The following MAP4 variants were observed in gnomAD, a reference collection of about 807,000 sequenced individuals.
The protein encoded by MAP4 is microtubule associated protein 4, also known as microtubule-associated protein 4.
A neutral mutation model predicts 170.2 loss-of-function variants in MAP4; 76 were observed. The observed-to-expected ratio is 0.45, with a 90% CI of 0.37 to 0.54. The LOEUF is 0.54. MAP4 is among the 20% of genes least tolerant of loss of function. The probability of loss-of-function intolerance (pLI) is 0.00; values close to 1 mark genes in which losing one functional copy is unlikely to be tolerated. For synonymous variants in MAP4, 909 were observed against 994.5 expected (o/e 0.91, Z 1.62); for missense variants, 2,506 against 2,748.0 (o/e 0.91, Z 1.97).
At chr3:47,894,384 C>T (rs2100025674) in intron 10 of MAP4, among the ~76,000 whole-genome samples, 1 of 151,812 alleles carries the variant, frequency 6.6e-6, no homozygotes, top group Non-Finnish European at 1.5e-5. Context: ...AGATCGAGAC[C>T]ATCCTGGCTA....
At chr3:48,014,349 A>C (rs1024271642) in intron 1 of MAP4, among the ~76,000 whole-genome samples, 1 of 152,170 alleles carries the variant, frequency 6.6e-6, no homozygotes, top group African/African-American at 2.4e-5. Context: ...AGAAATTGGC[A>C]ATCTGGTTTA....
At chr3:47,937,700 C>A (rs1338755836) in intron 3 of MAP4, among the ~76,000 whole-genome samples, 1 of 136,558 alleles carries the variant, frequency 7.3e-6, no homozygotes, top group Non-Finnish European at 1.5e-5. Context: ...TCACTCTTGT[C>A]CCCCAGGCTG....
At chr3:48,083,554 C>T (rs1322556449) in intron 1 of MAP4, among the ~76,000 whole-genome samples, 1 of 150,786 alleles carries the variant, frequency 6.6e-6, no homozygotes, top group African/African-American at 2.4e-5. Context: ...TTAGTAGAGA[C>T]GGGGTTTTTA....
At chr3:47,982,986 C>G (rs2100086279) in intron 2 of MAP4, among the ~76,000 whole-genome samples, 1 of 152,156 alleles carries the variant, frequency 6.6e-6, no homozygotes, top group Non-Finnish European at 1.5e-5. Context: ...CAACCTCTGT[C>G]TCCCGGGTTC....
At chr3:47,989,922 AT>A (rs1407002303) in intron 2 of MAP4, among the ~76,000 whole-genome samples, 1 of 152,130 alleles carries the variant, frequency 6.6e-6, no homozygotes, top group Admixed American at 6.5e-5. Flanking sequence ...TTAGAAACTA[AT>A]CACATTCTCT....
chr3:48,040,229 T>G (rs932872138), intron 1 of MAP4, among the ~76,000 whole-genome samples: 1 of 152,208 alleles, frequency 6.6e-6, no homozygotes, highest in African/African-American at 2.4e-5. Context: ...CAATAGGATC[T>G]TAAGGTTTTA....
intron 1 of MAP4, among the ~76,000 whole-genome samples, chr3:48,075,974 CA>C (rs60556044): frequency 0.013 from 601 of 47,548 alleles, 4 homozygotes; most frequent in African/African-American, 0.04. Context: ...AACTCCATCT[CA>C]AAAAAAAAAA....
chr3:48,006,678 G>C (rs1195338702), intron 1 of MAP4, among the ~76,000 whole-genome samples: 1 of 152,186 alleles, frequency 6.6e-6, no homozygotes, highest in Non-Finnish European at 1.5e-5. Context: ...TCCCTGGAAG[G>C]TATGCAGAGA....
intron 1 of MAP4, among the ~76,000 whole-genome samples, chr3:48,037,398 CTTTA>C (rs927361230): frequency 6.6e-5 from 10 of 152,132 alleles, no homozygotes; most frequent in South Asian, 2.1e-4. Flanking sequence ...CACCTTTTCA[CTTTA>C]TTTATTTATG....
chr3:48,049,787 A>G (rs750711968), intron 1 of MAP4, among the ~76,000 whole-genome samples: 34 of 150,870 alleles, frequency 2.3e-4, no homozygotes, highest in Non-Finnish European at 4.7e-4. Context: ...ACACACAAAA[A>G]AATAGCTGGG....
At chr3:48,018,207 C>G (rs1447601883), upstream of MAP4, among the ~76,000 whole-genome samples, 1 of 152,148 alleles carries the variant, frequency 6.6e-6, no homozygotes, top group Non-Finnish European at 1.5e-5. Context: ...TTGGGGACCC[C>G]CCACTGTAGT....
intron 1 of MAP4, among the ~76,000 whole-genome samples, chr3:48,066,546 T>C (rs533263049): frequency 2.0e-5 from 3 of 151,624 alleles, no homozygotes; most frequent in South Asian, 2.1e-4. Flanking sequence ...CAGGCTGGAG[T>C]GCAGAGGCGC....
At chr3:47,936,980 CA>C (rs10711611) in intron 3 of MAP4, among the ~76,000 whole-genome samples, 41,882 of 94,164 alleles carry the variant, frequency 0.44, 6,719 homozygotes, top group African/African-American at 0.58. Context: ...AACTCCGTCT[CA>C]AAAAAAAAAA....
Position 47,910,599 on chromosome 3 carries a change from A to G in MAP4, c.3822T>C (p.His1274=). Residue 1274 remains histidine (H), a synonymous_variant, in exon 9 of 21, where the codon CAT becomes CAC. Coordinates refer to ENST00000683076, the MANE Select transcript of MAP4 (RefSeq NM_001385682.1). Reference sequence around the variant, plus strand: ...CTTCCACTGTGGGTGTATCTGGTGTATGTGAGAACGAAGAATCATGCATTT... The same window carrying G: ...CTTCCACTGTGGGTGTATCTGGTGTGTGTGAGAACGAAGAATCATGCATTT... ...FPKMHDSSFS[H]TPDTPTVEAV... 1.3e-6 allele frequency: 2 copies of G among 1,536,090 alleles called. No homozygotes were observed. The highest frequency in any genetic ancestry group is 1.2e-5 in the South Asian group (1 of 84,052).
At chr3:48,062,206 C>T (rs796375065) in intron 1 of MAP4, among the ~76,000 whole-genome samples, 106 of 145,126 alleles carry the variant, frequency 7.3e-4, no homozygotes, top group African/African-American at 2.3e-3. Context: ...ACCCCCAACC[C>T]GGTGCTCTCT....
intron 3 of MAP4, among the ~76,000 whole-genome samples, chr3:47,963,568 T>G (rs2100072982): frequency 6.6e-6 from 1 of 152,212 alleles, no homozygotes; most frequent in Non-Finnish European, 1.5e-5. Context: ...TGGCAAGAAT[T>G]ATTACGATTG....
upstream of MAP4, among the ~76,000 whole-genome samples, chr3:48,019,098 G>A (rs2100109273): frequency 6.6e-6 from 1 of 152,210 alleles, no homozygotes; most frequent in Non-Finnish European, 1.5e-5. Flanking sequence ...AGAACTCTGG[G>A]AGGCCAAAGC....
At chr3:48,080,952 G>A (rs561288533) in intron 1 of MAP4, among the ~76,000 whole-genome samples, 3 of 152,124 alleles carry the variant, frequency 2.0e-5, no homozygotes, top group Non-Finnish European at 2.9e-5. Context: ...GTGAAACCCC[G>A]TCTCTACTAA....
Position 47,911,764 on chromosome 3 carries a change from G to A in MAP4, c.2657C>T (p.Ser886Leu), listed in dbSNP as rs1329887220. 4.6e-6 allele frequency: 7 copies of A among 1,536,056 alleles called. No individual in the cohort carries two copies. The highest frequency in any genetic ancestry group is 6.1e-6 in the Non-Finnish European group (7 of 1,146,898). The change falls in exon 9 of 21, where the codon TCA becomes TTA. Residue 886 changes from serine to leucine, a missense_variant. Transcript: ENST00000683076. The surrounding 1 kb of genome is among the most constrained non-coding windows in gnomAD (Gnocchi z 4.0). ...RVEEESKSNK[S>L]VLQNQDKKLL... Reference sequence around the variant, plus strand: ...TTTCTTGTCTTGGTTTTGTAGTACTGACTTGTTACTTTTGCTCTCTTCCTC... The same window carrying A: ...TTTCTTGTCTTGGTTTTGTAGTACTAACTTGTTACTTTTGCTCTCTTCCTC...
Sources: allele counts gnomAD v4.1 joint callset (sites outside exome capture counted in the v4.1 genomes callset), GRCh38; gene constraint gnomAD v4.1.1; non-coding constraint Gnocchi (gnomAD v3.1); transcripts MANE v1.5; gene names NCBI Gene and HGNC (gene_info 2026-07-23, HGNC 2026-07-21).